The following CAMK1D variants were observed in gnomAD, a reference collection of about 807,000 sequenced individuals.
CAMK1D encodes calcium/calmodulin dependent protein kinase ID, also known as calcium/calmodulin-dependent protein kinase type 1D.
CAMK1D carries 9 observed loss-of-function variants against 47.7 expected under a neutral mutation model. That is an observed-to-expected ratio of 0.19 (90% CI 0.11 to 0.33). The LOEUF (loss-of-function observed/expected upper bound fraction) is 0.33. Ranked by LOEUF, CAMK1D falls within the 10% of genes least tolerant of loss-of-function variation. The pLI is 1.00. For missense variants in CAMK1D, 291 were observed against 488.7 expected, an observed-to-expected ratio of 0.60 and a Z score of 3.81; for synonymous variants, 184 against 184.9, an observed-to-expected ratio of 0.99 and a Z score of 0.04.
At chr10:12,746,644 T>C (rs183621497) in intron 3 of CAMK1D, among the ~76,000 whole-genome samples, 2 of 152,316 alleles carry the variant, frequency 1.3e-5, no homozygotes, top group East Asian at 3.9e-4. Context: ...ACATTATTTT[T>C]TCTGCCATCT....
At chr10:12,634,067 G>C (rs953864193) in intron 2 of CAMK1D, among the ~76,000 whole-genome samples, 5 of 152,308 alleles carry the variant, frequency 3.3e-5, no homozygotes, top group African/African-American at 9.6e-5. Context: ...GAATTGGGAG[G>C]GGGGCTGAGG....
intron 1 of CAMK1D, among the ~76,000 whole-genome samples, chr10:12,513,834 T>C (rs1028346211): frequency 6.6e-6 from 1 of 152,108 alleles, no homozygotes; most frequent in Non-Finnish European, 1.5e-5. Flanking sequence ...ATGTGATCAG[T>C]GTTTGCTGAA....
At chr10:12,673,567 C>T (rs1197912726) in intron 3 of CAMK1D, among the ~76,000 whole-genome samples, 1 of 152,076 alleles carries the variant, frequency 6.6e-6, no homozygotes, top group Non-Finnish European at 1.5e-5. Context: ...ATAATCATGT[C>T]GTCTGAAATT....
chr10:12,728,623 A>G (rs973545179), intron 3 of CAMK1D, among the ~76,000 whole-genome samples: 6 of 152,230 alleles, frequency 3.9e-5, no homozygotes, highest in African/African-American at 1.4e-4. Context: ...CACATTTATC[A>G]TAAGGGGATA....
chr10:12,669,277 G>A (rs7078685), intron 3 of CAMK1D, among the ~76,000 whole-genome samples: 135,245 of 152,142 alleles, frequency 0.89, 60,246 homozygotes, highest in Middle Eastern at 0.93. Flanking sequence ...GTTAATATGG[G>A]GCACACTCAT....
chr10:12,427,707 T>G (rs1464035245), intron 1 of CAMK1D, among the ~76,000 whole-genome samples: 7 of 98,996 alleles, frequency 7.1e-5, no homozygotes, highest in South Asian at 3.5e-4. Flanking sequence ...ACTGTTTTTT[T>G]TTTTTTTTTT....
chr10:12,804,456 A>T (rs1838625152), intron 6 of CAMK1D, among the ~76,000 whole-genome samples: 1 of 152,090 alleles, frequency 6.6e-6, no homozygotes, highest in South Asian at 2.1e-4. Context: ...TCTACTAAAC[A>T]TACAAAAATT....
At chr10:12,424,107 G>C (rs1363563675) in intron 1 of CAMK1D, among the ~76,000 whole-genome samples, 2 of 152,078 alleles carry the variant, frequency 1.3e-5, no homozygotes, top group African/African-American at 4.8e-5. Context: ...GCCTGGTCCC[G>C]GGGCCACTCG....
At chr10:12,392,294 T>C (rs1838764322) in intron 1 of CAMK1D, among the ~76,000 whole-genome samples, 1 of 151,982 alleles carries the variant, frequency 6.6e-6, no homozygotes, top group South Asian at 2.1e-4. Flanking sequence ...ACAGCAAGAC[T>C]CTGTCTCAAA....
intron 1 of CAMK1D, among the ~76,000 whole-genome samples, chr10:12,381,560 A>G (rs997124604): frequency 5.3e-5 from 8 of 152,208 alleles, no homozygotes; most frequent in Admixed American, 4.6e-4. Context: ...GTCTGACCTC[A>G]GGTGATCCGC....
chr10:12,628,577 G>A (rs963490313), intron 2 of CAMK1D, among the ~76,000 whole-genome samples: 1 of 152,128 alleles, frequency 6.6e-6, no homozygotes, highest in African/African-American at 2.4e-5. Flanking sequence ...AGCCAATATT[G>A]GTATTGATGA....
chr10:12,411,204 A>G (rs763115670), intron 1 of CAMK1D, among the ~76,000 whole-genome samples: 10 of 152,132 alleles, frequency 6.6e-5, no homozygotes, highest in Non-Finnish European at 1.0e-4. Context: ...CTAGCCCGCT[A>G]TGTCATGTTT....
At chr10:12,437,268 T>G (rs1255958639) in intron 1 of CAMK1D, among the ~76,000 whole-genome samples, 1 of 152,236 alleles carries the variant, frequency 6.6e-6, no homozygotes, top group Non-Finnish European at 1.5e-5. Flanking sequence ...CTCGGCTTAC[T>G]GCAACCTCCG....
At chr10:12,767,595 C>T (rs1046313415) in intron 4 of CAMK1D, among the ~76,000 whole-genome samples, 14 of 152,118 alleles carry the variant, frequency 9.2e-5, no homozygotes, top group African/African-American at 1.4e-4. Flanking sequence ...TGGTTTTATA[C>T]GTTGTAGGGA....
In CAMK1D at chr10:12,737,049, G is replaced by C. The variant is rs537673263; in HGVS notation, c.300-23899G>C. Among the ~76,000 whole-genome samples the C allele has an allele frequency of 2.1e-3, 326 of 152,246 alleles. 4 individuals carry two copies. Among genetic ancestry groups the C allele is most frequent in the African/African-American group, 7.4e-3 (309 of 41,544 alleles). ...CAATCTCAATGCATGCAGCTGCAGG[G>C]GAGGGCATGAAGGTGCGTAGCCTGA... On this transcript the variant is annotated intron_variant, in intron 3 of 10. Transcript: ENST00000619168.
chr10:12,758,640 T>G (rs1204550022), intron 3 of CAMK1D, among the ~76,000 whole-genome samples: 1 of 152,264 alleles, frequency 6.6e-6, no homozygotes, highest in Non-Finnish European at 1.5e-5. Flanking sequence ...GCAGATTTTT[T>G]CATTCAGTAG....
intron 2 of CAMK1D, among the ~76,000 whole-genome samples, chr10:12,661,072 A>G (rs1840261006): frequency 6.6e-6 from 1 of 152,070 alleles, no homozygotes; most frequent in Middle Eastern, 3.4e-3. Context: ...ACTTCTCCCT[A>G]TTCCTTCTGC....
intron 3 of CAMK1D, among the ~76,000 whole-genome samples, chr10:12,748,470 C>T (rs1835782299): frequency 6.6e-6 from 1 of 151,986 alleles, no homozygotes; most frequent in Non-Finnish European, 1.5e-5. Flanking sequence ...TCCTTTAGAA[C>T]CATTGAAAAA....
chr10:12,383,459 G>A (rs1387809665), intron 1 of CAMK1D, among the ~76,000 whole-genome samples: 1 of 152,170 alleles, frequency 6.6e-6, no homozygotes, highest in Non-Finnish European at 1.5e-5. Context: ...TGACATGAAT[G>A]TCCATTGCTT....
Sources: gnomAD v4.1 joint callset for allele counts (sites outside exome capture counted in the v4.1 genomes callset) on GRCh38, gnomAD v4.1.1 for gene constraint, MANE v1.5 for transcripts, NCBI Gene and HGNC (gene_info 2026-07-23, HGNC 2026-07-21) for gene names.